Variants in GRM7 observed in about 807,000 individuals in gnomAD.
GRM7 encodes the protein metabotropic glutamate receptor 7.
Under a neutral mutation model 84.5 loss-of-function variants are expected in GRM7, and 35 were observed. The ratio of observed to expected loss-of-function variants is 0.41; its 90% CI spans 0.32 to 0.55. The LOEUF (loss-of-function observed/expected upper bound fraction) is 0.55. Ranked by LOEUF, GRM7 falls within the 20% of genes least tolerant of loss-of-function variation. The pLI is 0.19. For missense variants in GRM7, 1,003 were observed against 1,194.6 expected, an observed-to-expected ratio of 0.84 and a Z score of 2.36; for synonymous variants, 487 against 455.1, an observed-to-expected ratio of 1.07 and a Z score of -0.89.
intron 2 of GRM7, among the ~76,000 whole-genome samples, chr3:7,232,469 T>A (rs1697224092): frequency 6.6e-6 from 1 of 151,942 alleles, no homozygotes. Flanking sequence ...AAAATCTAGA[T>A]GGAAGTGGGA....
chr3:7,152,574 G>C (rs116508500), intron 2 of GRM7, among the ~76,000 whole-genome samples: 2,346 of 152,258 alleles, frequency 0.015, 39 homozygotes, highest in Admixed American at 0.022. Flanking sequence ...TGGATTTGCG[G>C]ATATTCTTTG....
intron 1 of GRM7, among the ~76,000 whole-genome samples, chr3:6,886,869 C>A (rs1325073694): frequency 6.6e-6 from 1 of 151,654 alleles, no homozygotes; most frequent in Admixed American, 6.6e-5. Context: ...CTATACTACA[C>A]TATTTTATAT....
intron 1 of GRM7, among the ~76,000 whole-genome samples, chr3:7,004,875 T>C (rs1695128419): frequency 6.6e-6 from 1 of 152,186 alleles, no homozygotes; most frequent in Admixed American, 6.5e-5. Context: ...CCGACAAATC[T>C]CTCTAAAAAC....
At chr3:7,261,825 A>T (rs1333388392) in intron 2 of GRM7, among the ~76,000 whole-genome samples, 1 of 151,984 alleles carries the variant, frequency 6.6e-6, no homozygotes, top group East Asian at 1.9e-4. Context: ...TAGGAAAAGG[A>T]TCTTATTTCT....
chr3:7,180,890 A>T (rs1397401874), intron 2 of GRM7, among the ~76,000 whole-genome samples: 1 of 152,150 alleles, frequency 6.6e-6, no homozygotes, highest in African/African-American at 2.4e-5. Flanking sequence ...GAGTTTTCAA[A>T]TTTTAAGCCA....
At chr3:7,477,579 C>A (rs1698972750) in intron 7 of GRM7, among the ~76,000 whole-genome samples, 1 of 152,226 alleles carries the variant, frequency 6.6e-6, no homozygotes, top group African/African-American at 2.4e-5. Flanking sequence ...GAAGGCTCCA[C>A]CAAGTACCAG....
chr3:7,180,598 T>G (rs985006144), intron 2 of GRM7, among the ~76,000 whole-genome samples: 1 of 152,172 alleles, frequency 6.6e-6, no homozygotes, highest in Non-Finnish European at 1.5e-5. Flanking sequence ...GACCTCAAAA[T>G]TCATACTGTT....
intron 7 of GRM7, among the ~76,000 whole-genome samples, chr3:7,516,775 C>G (rs187011686): frequency 4.6e-5 from 7 of 152,296 alleles, no homozygotes; most frequent in African/African-American, 1.7e-4. Context: ...CCATTTGCCT[C>G]TGCAACCTGA....
At chr3:7,179,380 A>G (rs1695262891) in intron 2 of GRM7, among the ~76,000 whole-genome samples, 1 of 152,246 alleles carries the variant, frequency 6.6e-6, no homozygotes, top group African/African-American at 2.4e-5. Context: ...ACTACTGCAC[A>G]TCTGTAAAGG....
At chr3:7,399,832 A>C (rs1346367094) in intron 4 of GRM7, among the ~76,000 whole-genome samples, 1 of 152,162 alleles carries the variant, frequency 6.6e-6, no homozygotes, top group East Asian at 1.9e-4. Flanking sequence ...AAGCAGACTG[A>C]AGCCATCACC....
intron 1 of GRM7, among the ~76,000 whole-genome samples, chr3:7,039,426 G>A (rs1237183831): frequency 6.6e-6 from 1 of 152,150 alleles, no homozygotes; most frequent in African/African-American, 2.4e-5. Flanking sequence ...TTCTTCTAAT[G>A]AAGTGCACAG....
At chr3:7,183,416 C>G (rs1452967155) in intron 2 of GRM7, among the ~76,000 whole-genome samples, 1 of 152,112 alleles carries the variant, frequency 6.6e-6, no homozygotes, top group Non-Finnish European at 1.5e-5. Context: ...TGCCTGAGAT[C>G]AGAAGTTCAA....
At chr3:7,666,491 T>C (rs1180003828) in intron 8 of GRM7, among the ~76,000 whole-genome samples, 1 of 152,212 alleles carries the variant, frequency 6.6e-6, no homozygotes, top group Admixed American at 6.5e-5. Flanking sequence ...GGTTGCTCCG[T>C]GCAGAATTAT....
chr3:7,069,215 A>G (rs1697776791), intron 1 of GRM7, among the ~76,000 whole-genome samples: 1 of 151,968 alleles, frequency 6.6e-6, no homozygotes, highest in African/African-American at 2.4e-5. Flanking sequence ...ACTCTGGGAT[A>G]GTAGAAGGAA....
intron 7 of GRM7, among the ~76,000 whole-genome samples, chr3:7,514,736 G>A (rs1225139355): frequency 1.3e-5 from 2 of 152,138 alleles, no homozygotes; most frequent in African/African-American, 2.4e-5. Flanking sequence ...ACATCAATGC[G>A]TGGTGCAATA....
chr3:7,350,452 C>A (rs1693089339), intron 4 of GRM7, among the ~76,000 whole-genome samples: 2 of 151,964 alleles, frequency 1.3e-5, no homozygotes, highest in Admixed American at 1.3e-4. Context: ...CTGGTCTGGC[C>A]ATGTAAAACA....
chr3:7,670,530 G>C (rs1001481987), intron 8 of GRM7, among the ~76,000 whole-genome samples: 4 of 152,162 alleles, frequency 2.6e-5, no homozygotes, highest in African/African-American at 9.7e-5. Context: ...CCCTTTACAA[G>C]TTGAATAGGC....
intron 1 of GRM7, among the ~76,000 whole-genome samples, chr3:6,951,301 T>C (rs1001052368): frequency 2.0e-5 from 3 of 152,194 alleles, no homozygotes; most frequent in Admixed American, 6.5e-5. Flanking sequence ...GGCTGATTTT[T>C]ATTATTTTTT....
At chr3:6,945,232 T>G (rs918797938) in intron 1 of GRM7, among the ~76,000 whole-genome samples, 1 of 129,238 alleles carries the variant, frequency 7.7e-6, no homozygotes, top group Non-Finnish European at 1.6e-5. Context: ...CCCACAACAG[T>G]CCCCAGTGTG....
Sources: allele counts gnomAD v4.1 joint callset (sites outside exome capture counted in the v4.1 genomes callset), GRCh38; gene constraint gnomAD v4.1.1; transcripts MANE v1.5; gene names NCBI Gene and HGNC (gene_info 2026-07-23, HGNC 2026-07-21).